Variants in HPSE2 observed in about 807,000 individuals in gnomAD.
HPSE2 encodes the protein heparanase 2 (inactive).
In HPSE2, 38 loss-of-function variants were observed where a neutral mutation model predicts 60.5. The observed-to-expected ratio is 0.63, with a 90% CI of 0.48 to 0.82. The LOEUF (loss-of-function observed/expected upper bound fraction) is 0.82. HPSE2 is among the 40% of genes least tolerant of loss of function. The pLI is 0.00. For missense variants in HPSE2, 713 were observed against 740.4 expected (o/e 0.96, Z 0.43); for synonymous variants, 295 against 293.2 (o/e 1.01, Z -0.06).
intron 9 of HPSE2, 30 bp downstream of exon 9, chr10:98,614,874 A>G (rs1945860539): frequency 1.4e-6 from 2 of 1,386,950 alleles, no homozygotes; most frequent in Non-Finnish European, 2.1e-6. Flanking sequence ...GACATGGAAA[A>G]GGGATTGGGA....
At chr10:99,021,172 A>C (rs149450584) in intron 3 of HPSE2, among the ~76,000 whole-genome samples, 6 of 152,326 alleles carry the variant, frequency 3.9e-5, no homozygotes, top group Non-Finnish European at 8.8e-5. Flanking sequence ...TAGGTCCCTA[A>C]TCAATATTTA....
At chr10:99,008,883 GTCA>G (rs1352789429) in intron 3 of HPSE2, among the ~76,000 whole-genome samples, 1 of 152,026 alleles carries the variant, frequency 6.6e-6, no homozygotes, top group Non-Finnish European at 1.5e-5. Flanking sequence ...TCCCTTTATT[GTCA>G]CAACAGAGTT....
chr10:99,108,050 C>T (rs1464754257), intron 3 of HPSE2, among the ~76,000 whole-genome samples: 3 of 152,036 alleles, frequency 2.0e-5, no homozygotes, highest in East Asian at 3.9e-4. Context: ...CAGACTATTC[C>T]TCTCTAGATG....
Position 99,212,760 on chromosome 10 carries a change from G to A in HPSE2, c.448+19588C>T, listed in dbSNP as rs1326439086. On this transcript the variant is annotated intron_variant, in intron 2 of 11. Transcript: ENST00000370552. ...GTTAGTAACAATATTCTTTAAAATC[G>A]CTAAGAGAATAGATTAAGTATTCTC... Among the ~76,000 whole-genome samples the A allele has an allele frequency of 7.2e-5, 11 of 151,942 alleles. 1 individual carries two copies. The highest frequency in any genetic ancestry group is 2.1e-4 in the South Asian group (1 of 4,814).
chr10:99,219,819 C>A (rs1849249629), intron 2 of HPSE2, among the ~76,000 whole-genome samples: 1 of 152,074 alleles, frequency 6.6e-6, no homozygotes, highest in Admixed American at 6.6e-5. Context: ...GGGAGCTATT[C>A]AAAAATGGTG....
intron 3 of HPSE2, among the ~76,000 whole-genome samples, chr10:98,981,426 G>C (rs1956203348): frequency 6.6e-6 from 1 of 152,090 alleles, no homozygotes; most frequent in Non-Finnish European, 1.5e-5. Flanking sequence ...GCTTGGACAA[G>C]TCCCTTAACA....
chr10:99,074,939 C>T (rs545084952), intron 3 of HPSE2, among the ~76,000 whole-genome samples: 1 of 152,052 alleles, frequency 6.6e-6, no homozygotes, highest in African/African-American at 2.4e-5. Context: ...GAACCCTCTC[C>T]CCTTTCTTGG....
intron 2 of HPSE2, among the ~76,000 whole-genome samples, chr10:99,149,823 A>G (rs925136716): frequency 2.6e-5 from 4 of 152,156 alleles, no homozygotes; most frequent in African/African-American, 9.6e-5. Context: ...TTACCAAATA[A>G]TCATAAAACT....
chr10:98,763,042 T>C (rs994673111), intron 3 of HPSE2, among the ~76,000 whole-genome samples: 2 of 151,958 alleles, frequency 1.3e-5, no homozygotes, highest in East Asian at 1.9e-4. Context: ...AGCTAAAATA[T>C]ATAATATTTG....
At position 98,920,930 on chromosome 10, in the gene HPSE2, G is replaced by A. The variant is rs1954264977; in HGVS notation, c.611-176874C>T. Among the ~76,000 whole-genome samples the A allele has an allele frequency of 2.0e-5, 3 of 152,162 alleles. No individual in the cohort carries two copies. In the South Asian group the frequency reaches 6.2e-4, roughly 32 times the overall value. On this transcript the variant is annotated intron_variant, in intron 3 of 11. Coordinates refer to ENST00000370552, the MANE Select transcript of HPSE2 (RefSeq NM_021828.5). Reference sequence around the variant, plus strand: ...TTCCTGCTGCAAACAGCTTCGTCCAGCTGCCAGTAGAATATTTGGATGACA... The same window carrying A: ...TTCCTGCTGCAAACAGCTTCGTCCAACTGCCAGTAGAATATTTGGATGACA...
At chr10:98,743,130 G>C (rs938108101) in intron 4 of HPSE2, among the ~76,000 whole-genome samples, 2 of 151,612 alleles carry the variant, frequency 1.3e-5, no homozygotes, top group Non-Finnish European at 1.5e-5. Flanking sequence ...CTGCCACCAC[G>C]TCTGGCTAAT....
chr10:98,882,196 G>A (rs1003676005), intron 3 of HPSE2, among the ~76,000 whole-genome samples: 3 of 152,000 alleles, frequency 2.0e-5, no homozygotes, highest in African/African-American at 7.2e-5. Context: ...CCGATCAGCA[G>A]CCTTTGGAGT....
At chr10:98,719,499 G>A (rs897792911) in intron 5 of HPSE2, among the ~76,000 whole-genome samples, 4 of 151,666 alleles carry the variant, frequency 2.6e-5, no homozygotes, top group Non-Finnish European at 5.9e-5. Context: ...ATAAAAAGAT[G>A]TAAAGGTATA....
At chr10:99,100,396 C>T (rs548193106) in intron 3 of HPSE2, among the ~76,000 whole-genome samples, 63 of 152,082 alleles carry the variant, frequency 4.1e-4, no homozygotes, top group Admixed American at 1.7e-3. Context: ...GTATCAGTGA[C>T]TGAAGATCAA....
intron 3 of HPSE2, among the ~76,000 whole-genome samples, chr10:98,987,359 C>G (rs1305358095): frequency 1.3e-5 from 2 of 151,986 alleles, no homozygotes; most frequent in African/African-American, 2.4e-5. Context: ...AATCAATAAA[C>G]GTAATCCAGC....
chr10:98,724,229 A>G (rs1041352933), intron 4 of HPSE2, among the ~76,000 whole-genome samples: 1 of 152,136 alleles, frequency 6.6e-6, no homozygotes, highest in African/African-American at 2.4e-5. Flanking sequence ...TGTACCCAGT[A>G]GTCATTCAGG....
At chr10:99,150,107 C>T (rs1210103871) in intron 2 of HPSE2, among the ~76,000 whole-genome samples, 1 of 152,194 alleles carries the variant, frequency 6.6e-6, no homozygotes, top group African/African-American at 2.4e-5. Context: ...TATACCCTGA[C>T]AGATGCAACA....
chr10:98,713,748 C>T (rs1025328017), intron 5 of HPSE2, among the ~76,000 whole-genome samples: 13 of 151,792 alleles, frequency 8.6e-5, no homozygotes, highest in African/African-American at 2.9e-4. Context: ...ATGTTAATAT[C>T]CTGTAGAAGT....
intron 2 of HPSE2, among the ~76,000 whole-genome samples, chr10:99,212,861 C>T (rs1848995500): frequency 6.6e-6 from 1 of 152,114 alleles, no homozygotes; most frequent in Admixed American, 6.5e-5. Flanking sequence ...ACAAGGTATA[C>T]ATATTTCAAA....
Sources: allele counts gnomAD v4.1 joint callset (sites outside exome capture counted in the v4.1 genomes callset), GRCh38; gene constraint gnomAD v4.1.1; transcripts MANE v1.5; gene names NCBI Gene and HGNC (gene_info 2026-07-23, HGNC 2026-07-21).